Variants in SMIM36 observed in about 807,000 individuals in gnomAD.
SMIM36 encodes the protein small integral membrane protein 36.
At chr17:55,478,631 A>G (rs1271716820) in intron 3 of SMIM36, 131 bp downstream of exon 3, 1 of 152,216 alleles carries the variant, frequency 6.6e-6, no homozygotes, top group African/African-American at 2.4e-5. Context: ...ATTTACAAAC[A>G]TGGTTCTTGA....
chr17:55,464,791 A>C (rs903087628), intron 4 of SMIM36, among the ~76,000 whole-genome samples: 1 of 152,232 alleles, frequency 6.6e-6, no homozygotes, highest in Non-Finnish European at 1.5e-5. Context: ...GATGGGAACC[A>C]GTTCCCTAAT....
At chr17:55,464,861 G>T (rs1909208401) in intron 4 of SMIM36, among the ~76,000 whole-genome samples, 1 of 152,170 alleles carries the variant, frequency 6.6e-6, no homozygotes, top group South Asian at 2.1e-4. Flanking sequence ...GAGCAGGTGT[G>T]CCTTGTCTTA....
rs1220151098 is a variant in SMIM36 at position 55,500,846 on chromosome 17, T to C, written c.*174+10033A>G. On this transcript the variant is annotated intron_variant, in intron 1 of 4. Transcript: ENST00000636752. ...ATTTTATAATATATATTATAATATA[T>C]TATATTATAATATATTATAATATAT... 1.2e-4 allele frequency among the ~76,000 whole-genome samples: 2 copies of C among 16,426 alleles called. 1 individual carries two copies. The highest frequency in any genetic ancestry group is 9.5e-4 in the African/African-American group (2 of 2,100). The allele number at this position is 16,426 out of a possible 152,430, so 10.8% of individuals were successfully genotyped here. A position where few individuals can be genotyped will look rare whatever the true frequency, so the allele number is the denominator to read the frequency against.
chr17:55,454,359 G>A, intron 4 of SMIM36, among the ~76,000 whole-genome samples: 1 of 152,134 alleles, frequency 6.6e-6, no homozygotes, highest in East Asian at 1.9e-4. Flanking sequence ...AACCGCTGAG[G>A]TCAGCAATCA....
At chr17:55,468,987 G>C (rs185517609) in intron 3 of SMIM36, among the ~76,000 whole-genome samples, 1 of 152,022 alleles carries the variant, frequency 6.6e-6, no homozygotes, top group Non-Finnish European at 1.5e-5. Flanking sequence ...TTCTTTACAC[G>C]TCAGTCCCTC....
intron 1 of SMIM36, among the ~76,000 whole-genome samples, chr17:55,489,193 T>C (rs1909659034): frequency 6.6e-6 from 1 of 152,068 alleles, no homozygotes; most frequent in African/African-American, 2.4e-5. Flanking sequence ...GCCTGGCCAA[T>C]GTAGTGAAAC....
At chr17:55,478,999 C>T (rs1909472874) in intron 2 of SMIM36, among the ~76,000 whole-genome samples, 186 bp from the exon 3 acceptor site, 1 of 152,170 alleles carries the variant, frequency 6.6e-6, no homozygotes, top group Admixed American at 6.5e-5. Context: ...TTCTTGTGAG[C>T]TCCATAGTGC....
At chr17:55,490,517 A>T (rs759365175) in intron 1 of SMIM36, among the ~76,000 whole-genome samples, 1 of 152,202 alleles carries the variant, frequency 6.6e-6, no homozygotes, top group Non-Finnish European at 1.5e-5. Flanking sequence ...TTTTTGAGAT[A>T]GAAAAATAAA....
At chr17:55,470,469 T>G (rs998170330) in intron 3 of SMIM36, among the ~76,000 whole-genome samples, 1 of 152,158 alleles carries the variant, frequency 6.6e-6, no homozygotes, top group African/African-American at 2.4e-5. Context: ...TTCCCTTGCC[T>G]CCACAACTAT....
intron 1 of SMIM36, among the ~76,000 whole-genome samples, chr17:55,485,451 G>A (rs925271573): frequency 2.5e-5 from 2 of 79,898 alleles, no homozygotes; most frequent in South Asian, 3.3e-4. Flanking sequence ...ATACCCTGCT[G>A]ATTTTTTTTT....
chr17:55,508,883 A>G (rs946980036), intron 1 of SMIM36, among the ~76,000 whole-genome samples: 10 of 144,340 alleles, frequency 6.9e-5, no homozygotes, highest in African/African-American at 2.6e-4. Flanking sequence ...AGATCGTGCC[A>G]TTGCACTTCA....
intron 4 of SMIM36, among the ~76,000 whole-genome samples, chr17:55,459,109 C>CAT (rs1909088995): frequency 6.6e-6 from 1 of 152,160 alleles, no homozygotes; most frequent in Non-Finnish European, 1.5e-5. Context: ...GTCGGAGCCC[C>CAT]ACAGCCTGTC....
chr17:55,517,270 G>C, the SMIM36 span, among the ~76,000 whole-genome samples: 3 of 152,200 alleles, frequency 2.0e-5, no homozygotes, highest in African/African-American at 7.2e-5. Context: ...TAAGAGATGG[G>C]CCTGGCATGT....
intron 1 of SMIM36, among the ~76,000 whole-genome samples, chr17:55,497,932 G>A (rs963879591): frequency 1.3e-5 from 2 of 152,276 alleles, no homozygotes; most frequent in East Asian, 1.9e-4. Context: ...GAATTAGTTT[G>A]TTAGGGCTGT....
At chr17:55,491,338 G>A (rs1224105608) in intron 1 of SMIM36, among the ~76,000 whole-genome samples, 2 of 151,164 alleles carry the variant, frequency 1.3e-5, no homozygotes, top group African/African-American at 4.9e-5. Flanking sequence ...TGCTACTAGA[G>A]GTCACTTTGA....
At chr17:55,522,662 C>T in the SMIM36 span, among the ~76,000 whole-genome samples, 10 of 152,166 alleles carry the variant, frequency 6.6e-5, no homozygotes, top group Non-Finnish European at 1.3e-4. Context: ...GGGATTATTA[C>T]AATTTGAGGT....
intron 1 of SMIM36, among the ~76,000 whole-genome samples, chr17:55,499,722 T>C (rs1183294522): frequency 2.0e-5 from 3 of 152,164 alleles, no homozygotes; most frequent in Non-Finnish European, 2.9e-5. Context: ...AAGGGAGTCC[T>C]AATTCCATAA....
chr17:55,487,917 G>C (rs1216210945), intron 1 of SMIM36, among the ~76,000 whole-genome samples: 12 of 152,162 alleles, frequency 7.9e-5, no homozygotes, highest in Admixed American at 7.9e-4. Flanking sequence ...ACACGGAGTG[G>C]GGATTCCAGA....
intron 2 of SMIM36, among the ~76,000 whole-genome samples, chr17:55,479,238 T>C (rs187548578): frequency 6.6e-6 from 1 of 152,350 alleles, no homozygotes; most frequent in East Asian, 1.9e-4. Context: ...ATAGCATTGC[T>C]TAGGACCACA....
Sources: allele counts gnomAD v4.1 joint callset (sites outside exome capture counted in the v4.1 genomes callset), GRCh38; gene constraint gnomAD v4.1.1; transcripts MANE v1.5; gene names NCBI Gene and HGNC (gene_info 2026-07-23, HGNC 2026-07-21).